Variants in STK11IP observed in about 807,000 individuals in gnomAD.
The protein encoded by STK11IP is serine/threonine-protein kinase 11-interacting protein.
In STK11IP, 103 loss-of-function variants were observed where a neutral mutation model predicts 131.7. The ratio of observed to expected loss-of-function variants is 0.78; its 90% CI spans 0.67 to 0.92. The LOEUF (loss-of-function observed/expected upper bound fraction) is 0.92. Among genes scored for constraint, STK11IP ranks in the 40% least tolerant of loss-of-function variants. The pLI, the probability that STK11IP is intolerant of heterozygous loss-of-function variation, is 0.00. For synonymous variants in STK11IP, 557 were observed against 575.6 expected (o/e 0.97, Z 0.46); for missense variants, 1,315 against 1,385.7 (o/e 0.95, Z 0.81).
chr2:219,601,870 C>A, intron 4 of STK11IP, 118 bp from the exon 5 acceptor site: 1 of 1,253,454 alleles, frequency 8.0e-7, no homozygotes, highest in Non-Finnish European at 1.1e-6. Context: ...CCATTTACTG[C>A]TTCCCTAAAT....
In STK11IP at chr2:219,614,102, T is replaced by C; in HGVS notation, c.2717-59T>C. Reference sequence around the variant, plus strand: ...AGAATAGGAAGGGATTGAGAGGTGGTGAGTTTAGGCTGGAGGAGAGCAGAG... The same window carrying C: ...AGAATAGGAAGGGATTGAGAGGTGGCGAGTTTAGGCTGGAGGAGAGCAGAG... On this transcript the variant is annotated intron_variant, in intron 21 of 24. Transcript: ENST00000456909. 2.5e-6 allele frequency: 4 copies of C among 1,590,908 alleles called. No homozygotes were observed. In the South Asian group the frequency reaches 4.4e-5, roughly 18 times the overall value.
intron 24 of STK11IP, chr2:219,615,628 G>A: frequency 1.5e-6 from 1 of 656,432 alleles, no homozygotes; most frequent in Non-Finnish European, 2.9e-6. Flanking sequence ...GAGTTGGCAG[G>A]ATTGGGCCGG....
chr2:219,612,639 G>C (rs1698432842), intron 19 of STK11IP, among the ~76,000 whole-genome samples: 4 of 152,216 alleles, frequency 2.6e-5, no homozygotes, highest in Admixed American at 2.6e-4. Context: ...AGCCGCAAAT[G>C]CATGGAGGCC....
chr2:219,608,810 C>T, intron 15 of STK11IP, 22 bp downstream of exon 15: 2 of 1,570,092 alleles, frequency 1.3e-6, no homozygotes, highest in Non-Finnish European at 1.7e-6. Flanking sequence ...GTGGCAGGGT[C>T]TCTGGAGGAG....
chr2:219,598,248 C>A, intron 2 of STK11IP, 68 bp downstream of exon 2: 1 of 1,221,764 alleles, frequency 8.2e-7, no homozygotes, highest in Non-Finnish European at 1.1e-6. Context: ...TTTCTGGAGA[C>A]ACGCCCTGAG....
intron 19 of STK11IP, among the ~76,000 whole-genome samples, chr2:219,612,740 G>C (rs1019902292): frequency 6.6e-6 from 1 of 151,878 alleles, no homozygotes; most frequent in African/African-American, 2.4e-5. Flanking sequence ...ACTCTGGGGG[G>C]CCGGCAGGGG....
chr2:219,604,612 A>G (rs1451105649), intron 7 of STK11IP, among the ~76,000 whole-genome samples: 1 of 152,216 alleles, frequency 6.6e-6, no homozygotes, highest in Non-Finnish European at 1.5e-5. Context: ...GGAGCAGACT[A>G]TAAATCCATT....
At chr2:219,599,631 C>G (rs748081096) in intron 2 of STK11IP, among the ~76,000 whole-genome samples, 3 of 152,132 alleles carry the variant, frequency 2.0e-5, no homozygotes, top group African/African-American at 7.2e-5. Flanking sequence ...AGGAGAAGAG[C>G]TTTGTGGCAG....
At chr2:219,601,905 C>G in intron 4 of STK11IP, 83 bp from the exon 5 acceptor site, 1 of 1,359,760 alleles carries the variant, frequency 7.4e-7, no homozygotes, top group Admixed American at 2.0e-5. Context: ...GTGGTCTTCT[C>G]CCTCCTCCCA....
At chr2:219,606,568 G>C (rs1698171456) in intron 11 of STK11IP, 51 bp downstream of exon 11, 2 of 1,611,606 alleles carry the variant, frequency 1.2e-6, no homozygotes, top group Admixed American at 3.3e-5. Context: ...CGAAGGGAGG[G>C]CGCTGGGGAG....
At position 219,602,095 on chromosome 2, in the gene STK11IP, G is replaced by T. The variant is rs772134730; in HGVS notation, c.438+12G>T. ...TCCAGGCATTAGAGGTAAGGAGAGT[G>T]AGGGGTGAGCTCAGACACCTCAACT... On this transcript the variant is annotated intron_variant, in intron 5 of 24. Coordinates refer to ENST00000456909, the MANE Select transcript of STK11IP (RefSeq NM_052902.4). The T allele has an allele frequency of 1.3e-6, 2 of 1,582,600 alleles. No homozygotes were observed. Among genetic ancestry groups the T allele is most frequent in the Non-Finnish European group, 1.7e-6 (2 of 1,161,252 alleles).
chr2:219,606,888 T>G (rs1286013723), intron 12 of STK11IP, 30 bp downstream of exon 12: 1 of 1,595,128 alleles, frequency 6.3e-7, no homozygotes, highest in Non-Finnish European at 8.6e-7. Context: ...GCCTTGTGCC[T>G]GCGGTTGGGT....
chr2:219,597,988 C>A, intron 1 of STK11IP, 65 bp downstream of exon 1: 1 of 1,596,924 alleles, frequency 6.3e-7, no homozygotes, highest in Non-Finnish European at 8.5e-7. Flanking sequence ...CCTCTCTTTT[C>A]TTTCTCGCCT....
Position 219,616,225 on chromosome 2 carries a change from G to A in STK11IP, c.*32G>A. ...CACGCTGACCTTGGCCCTGACCTCAGGAGCCACGCTGTAGACATTCCCTCT... is the reference window on the plus strand; with the variant it reads ...CACGCTGACCTTGGCCCTGACCTCAAGAGCCACGCTGTAGACATTCCCTCT... On this transcript the variant is annotated 3_prime_UTR_variant, in exon 25 of 25. Coordinates refer to ENST00000456909, the MANE Select transcript of STK11IP (RefSeq NM_052902.4). 1 of 1,601,496 alleles carries A rather than the reference G, an allele frequency of 6.2e-7. No individual in the cohort carries two copies. Among genetic ancestry groups the A allele is most frequent in the Non-Finnish European group, 8.5e-7 (1 of 1,173,530 alleles).
chr2:219,601,563 G>T (rs1325446711), intron 3 of STK11IP, 78 bp from the exon 4 acceptor site: 2 of 1,555,770 alleles, frequency 1.3e-6, no homozygotes, highest in Admixed American at 3.9e-5. Flanking sequence ...AGGTACCAGT[G>T]GTTGTGCTAA....
In STK11IP at chr2:219,606,788, G is replaced by T. The variant is rs1007954341; in HGVS notation, c.1064G>T (p.Gly355Val). 6 of 1,613,714 alleles carry T rather than the reference G, an allele frequency of 3.7e-6. No individual in the cohort carries two copies. The highest frequency in any genetic ancestry group is 5.1e-6 in the Non-Finnish European group (6 of 1,179,888). The change falls in exon 12 of 25, where the codon GGT becomes GTT. Residue 355 changes from glycine (G) to valine (V), a missense_variant. Transcript: ENST00000456909. The part of the protein sequence containing the change: ...WPVGSTPETS[G>V]GPDLSDSLSS... ...GTGGGGAGTACTCCTGAAACCTCAGGTGGCCCTGACCTGAGTGACAGCCTC... is the reference window on the plus strand; with the variant it reads ...GTGGGGAGTACTCCTGAAACCTCAGTTGGCCCTGACCTGAGTGACAGCCTC...
Position 219,613,222 on chromosome 2 carries a change from T to TG in STK11IP, c.2535dup (p.Arg846AlafsTer2), listed in dbSNP as rs1340834620. The TG allele has an allele frequency of 1.3e-6, 2 of 1,558,912 alleles. No homozygotes were observed. Among genetic ancestry groups the TG allele is most frequent in the Admixed American group, 1.8e-5 (1 of 57,092 alleles). ...TACCTGTTGAAGGTGACTGGGGAGATGCGGTGAGTGAGAGGGGAGATGCAG... is the reference window on the plus strand; with the variant it reads ...TACCTGTTGAAGGTGACTGGGGAGATGGCGGTGAGTGAGAGGGGAGATGCAG... On this transcript the variant is annotated frameshift_variant, in exon 20 of 25. Coordinates refer to ENST00000456909, the MANE Select transcript of STK11IP (RefSeq NM_052902.4). LOFTEE classifies it high-confidence loss of function.
intron 16 of STK11IP, 28 bp from the exon 17 acceptor site, chr2:219,609,335 C>T (rs968339899): frequency 8.7e-6 from 14 of 1,611,044 alleles, no homozygotes; most frequent in Non-Finnish European, 1.2e-5. Flanking sequence ...CGCCTGCTCA[C>T]AGCTGCCTCT....
At chr2:219,606,163 G>A in intron 9 of STK11IP, 32 bp from the exon 10 acceptor site, 1 of 1,549,792 alleles carries the variant, frequency 6.5e-7, no homozygotes, top group Non-Finnish European at 8.7e-7. Context: ...AGGGCCCCAG[G>A]CCCTCCTCAT....
Sources: allele counts gnomAD v4.1 joint callset (sites outside exome capture counted in the v4.1 genomes callset), GRCh38; gene constraint gnomAD v4.1.1; transcripts MANE v1.5; gene names NCBI Gene and HGNC (gene_info 2026-07-23, HGNC 2026-07-21).